Variants in ARHGAP29 observed in about 807,000 individuals in gnomAD.
The protein encoded by ARHGAP29 is rho GTPase-activating protein 29.
ARHGAP29 carries 43 observed loss-of-function variants against 122.6 expected under a neutral mutation model. The ratio of observed to expected loss-of-function variants is 0.35; its 90% CI spans 0.27 to 0.45. The LOEUF (loss-of-function observed/expected upper bound fraction) is 0.45, where lower values mean the gene tolerates loss of function less well. ARHGAP29 is among the 20% of genes least tolerant of loss of function. The probability of loss-of-function intolerance (pLI) is 1.00; values close to 1 mark genes in which losing one functional copy is unlikely to be tolerated. For missense variants in ARHGAP29, 1,303 were observed against 1,477.2 expected, an observed-to-expected ratio of 0.88 and a Z score of 1.93; for synonymous variants, 506 against 497.1, an observed-to-expected ratio of 1.02 and a Z score of -0.24.
rs770801204 is a variant in ARHGAP29 at position 94,203,940 on chromosome 1, A to G, written c.752T>C (p.Ile251Thr). 8 of 1,613,772 alleles carry G rather than the reference A, an allele frequency of 5.0e-6. No homozygotes were observed. In the African/African-American group the frequency reaches 6.7e-5, roughly 13 times the overall value. ...TCACAGAACACTTACCTGAATTCCA[A>G]TGTTAGTTCTAGTTGCCTCTGCCAA... ...VKLAEATRTN[I>T]GIQEFMPLQS... The change falls in exon 8 of 23, where the codon ATT (isoleucine) becomes ACT (threonine). Residue 251 changes from isoleucine to threonine, a missense_variant. Physicochemically the swap from Ile to Thr is moderately conservative, Grantham distance 89 (BLOSUM62 -1). Transcript: ENST00000260526.
chr1:94,205,817 T>G, intron 5 of ARHGAP29, 134 bp from the exon 6 acceptor site: 1 of 719,152 alleles, frequency 1.4e-6, no homozygotes, highest in Non-Finnish European at 2.3e-6. Flanking sequence ...CTTAAAGGCC[T>G]TAGAAGTCTG....
chr1:94,307,261 T>G, the ARHGAP29 span, among the ~76,000 whole-genome samples: 1 of 152,204 alleles, frequency 6.6e-6, no homozygotes, highest in South Asian at 2.1e-4. Context: ...AATACTTGGT[T>G]GCCTCCCCAT....
At chr1:94,302,023 T>C in the ARHGAP29 span, 1 of 214,488 alleles carries the variant, frequency 4.7e-6, no homozygotes, top group South Asian at 8.2e-5. Context: ...GCACCAGCTA[T>C]GTCCCTGAAA....
intron 1 of ARHGAP29, among the ~76,000 whole-genome samples, chr1:94,245,857 G>T (rs536483979): frequency 3.3e-5 from 5 of 152,288 alleles, no homozygotes; most frequent in Non-Finnish European, 5.9e-5. Flanking sequence ...TTTGTTCAAT[G>T]TGGTTATACT....
intron 22 of ARHGAP29, 95 bp downstream of exon 22, chr1:94,177,517 G>A: frequency 1.2e-6 from 1 of 862,110 alleles, no homozygotes; most frequent in East Asian, 2.7e-5. Flanking sequence ...TCATTCTCTG[G>A]CTTCCCTCAT....
intron 1 of ARHGAP29, among the ~76,000 whole-genome samples, chr1:94,252,501 A>C (rs1331465976): frequency 6.6e-6 from 1 of 152,226 alleles, no homozygotes; most frequent in Non-Finnish European, 1.5e-5. Flanking sequence ...GAAGCAGTCC[A>C]GGGAGTCCTC....
At chr1:94,259,935 G>A (rs79278848) in intron 1 of ARHGAP29, among the ~76,000 whole-genome samples, 1,527 of 152,288 alleles carry the variant, frequency 0.01, 24 homozygotes, top group African/African-American at 0.034. Flanking sequence ...ACTGTTGGCC[G>A]AAGAATGAAC....
chr1:94,197,845 C>T (rs950131584), intron 12 of ARHGAP29, among the ~76,000 whole-genome samples: 6 of 152,094 alleles, frequency 3.9e-5, no homozygotes. Flanking sequence ...AATTTCTTAA[C>T]CAGATAAAAG....
the ARHGAP29 span, among the ~76,000 whole-genome samples, chr1:94,287,690 C>T: frequency 1.3e-5 from 2 of 152,100 alleles, no homozygotes; most frequent in African/African-American, 2.4e-5. Flanking sequence ...TGTGATGTTC[C>T]CCACCCTGTG....
Position 94,178,075 on chromosome 1 carries a change from G to A in ARHGAP29, c.2573C>T (p.Ala858Val). ...TGCAAGGGAGGAGATGGTGATAGGAGCAGTTGTGGGCCTTGGCCTAATGAG... is the reference window on the plus strand; with the variant it reads ...TGCAAGGGAGGAGATGGTGATAGGAACAGTTGTGGGCCTTGGCCTAATGAG... ...PSLIRPRPTTAPITISSLAEY... is the reference protein window; with the variant it reads ...PSLIRPRPTTVPITISSLAEY... The change falls in exon 21 of 23, where the codon GCT becomes GTT. Residue 858 changes from alanine to valine, a missense_variant. Physicochemically the swap from Ala to Val is moderately conservative, Grantham distance 64 (BLOSUM62 0). This residue lies in a region of ARHGAP29 where 620 missense variants were observed against 651.2 expected (regional missense o/e 0.95). Transcript: ENST00000260526. 2 of 1,614,186 alleles carry A rather than the reference G, an allele frequency of 1.2e-6. No homozygotes were observed. The highest frequency in any genetic ancestry group is 1.7e-6 in the Non-Finnish European group (2 of 1,180,028).
the ARHGAP29 span, among the ~76,000 whole-genome samples, chr1:94,285,454 C>T: frequency 2.6e-5 from 4 of 152,140 alleles, no homozygotes; most frequent in East Asian, 7.7e-4. Context: ...AAGTTAAGCT[C>T]AGGAAGCTAT....
At chr1:94,283,757 C>T in the ARHGAP29 span, among the ~76,000 whole-genome samples, 1 of 152,080 alleles carries the variant, frequency 6.6e-6, no homozygotes, top group Non-Finnish European at 1.5e-5. Context: ...TGAAGTTTAA[C>T]AAACAAACAA....
Position 94,170,456 on chromosome 1 carries a change from C to T in ARHGAP29, c.*3413G>A, listed in dbSNP as rs1648658116. On this transcript the variant is annotated 3_prime_UTR_variant, in exon 23 of 23. Coordinates refer to ENST00000260526, the MANE Select transcript of ARHGAP29 (RefSeq NM_004815.4). ...GGACTGAATGAAACAAGAGATAGGG[C>T]AACTAAATGCACTATGTGGTCCTGG... Among the ~76,000 whole-genome samples the T allele has an allele frequency of 6.6e-6, 1 of 152,066 alleles. No homozygotes were observed. The highest frequency in any genetic ancestry group is 6.5e-5 in the Admixed American group (1 of 15,276).
chr1:94,246,875 G>A (rs1262318418), intron 1 of ARHGAP29, among the ~76,000 whole-genome samples: 1 of 151,972 alleles, frequency 6.6e-6, no homozygotes, highest in Non-Finnish European at 1.5e-5. Flanking sequence ...CCATGGCTGG[G>A]AAAAGGTGGA....
chr1:94,202,740 G>A lies in ARHGAP29; in HGVS notation c.955-8C>T, dbSNP rs768860236. 3.2e-5 allele frequency: 51 copies of A among 1,610,798 alleles called. No individual in the cohort carries two copies. The highest frequency in any genetic ancestry group is 1.6e-4 in the Middle Eastern group (1 of 6,076). ...AGCATTCTCTGCTTCAAGCTACACC[G>A]AAAAGAGTATTAAACACAGAATATG... is the stretch of plus-strand genomic sequence containing the variant. On this transcript the variant is annotated splice_polypyrimidine_tract_variant and splice_region_variant and intron_variant, in intron 10 of 22. Coordinates refer to ENST00000260526, the MANE Select transcript of ARHGAP29 (RefSeq NM_004815.4).
At position 94,173,138 on chromosome 1, in the gene ARHGAP29, T is replaced by G. The variant is rs1336899049; in HGVS notation, c.*731A>C. The G allele has an allele frequency of 1.3e-5, 2 of 152,596 alleles. No homozygotes were observed. The highest frequency in any genetic ancestry group is 2.4e-5 in the African/African-American group (1 of 41,452). 9.5% of individuals were successfully genotyped at this position (152,596 alleles called of 1,614,324 possible). On this transcript the variant is annotated 3_prime_UTR_variant, in exon 23 of 23. Transcript: ENST00000260526. Reference sequence around the variant, plus strand: ...AAAATAAAGCCAAGGGGTGAAAAACTATCAAATGTATTAAAACCATCTAAA... The same window carrying G: ...AAAATAAAGCCAAGGGGTGAAAAACGATCAAATGTATTAAAACCATCTAAA...
chr1:94,247,919 C>T (rs1653892184), intron 1 of ARHGAP29: 1 of 121,710 alleles, frequency 8.2e-6, no homozygotes, highest in Admixed American at 8.0e-5. Flanking sequence ...CAACCGCGGC[C>T]GCGTCGGTCG....
At chr1:94,262,315 C>T (rs941681745) in intron 1 of ARHGAP29, among the ~76,000 whole-genome samples, 3 of 152,078 alleles carry the variant, frequency 2.0e-5, no homozygotes, top group Non-Finnish European at 1.5e-5. Flanking sequence ...TGGAAGACAA[C>T]GTAGGCAATA....
upstream of ARHGAP29, among the ~76,000 whole-genome samples, chr1:94,278,179 T>G (rs1037424247): frequency 4.6e-5 from 7 of 151,956 alleles, no homozygotes; most frequent in African/African-American, 7.2e-5. Context: ...AAAAGCTAAG[T>G]GTGGTGGCAC....
Sources: allele counts gnomAD v4.1 joint callset (sites outside exome capture counted in the v4.1 genomes callset), GRCh38; gene constraint gnomAD v4.1.1; regional missense constraint gnomAD v4.1.1; transcripts MANE v1.5; gene names NCBI Gene and HGNC (gene_info 2026-07-23, HGNC 2026-07-21).